PTPRN2: variants seen among roughly 807,000 people sequenced by gnomAD.
PTPRN2 encodes the protein protein tyrosine phosphatase receptor type N2.
A neutral mutation model predicts 118.8 loss-of-function variants in PTPRN2; 74 were observed. The ratio of observed to expected loss-of-function variants is 0.62; its 90% confidence interval spans 0.52 to 0.76. The LOEUF (loss-of-function observed/expected upper bound fraction) is 0.76. Among genes scored for constraint, PTPRN2 ranks in the 30% least tolerant of loss-of-function variants. The probability of loss-of-function intolerance (pLI) is 0.00; values close to 1 mark genes in which losing one functional copy is unlikely to be tolerated. For missense variants in PTPRN2, 1,481 were observed against 1,394.4 expected, an observed-to-expected ratio of 1.06 and a Z score of -0.99; for synonymous variants, 641 against 608.0, an observed-to-expected ratio of 1.05 and a Z score of -0.80.
At chr7:157,846,978 T>C (rs1242010832) in intron 12 of PTPRN2, among the ~76,000 whole-genome samples, 2 of 151,402 alleles carry the variant, frequency 1.3e-5, no homozygotes, top group Non-Finnish European at 2.9e-5. Context: ...GAGCCCTCTC[T>C]CACTCCTTCA....
chr7:158,530,860 C>T (rs1825172880), intron 1 of PTPRN2, among the ~76,000 whole-genome samples: 1 of 152,148 alleles, frequency 6.6e-6, no homozygotes, highest in African/African-American at 2.4e-5. Context: ...ATGCAGGTTC[C>T]AGGAAGGACG....
At chr7:158,047,264 C>T (rs1808948369) in intron 11 of PTPRN2, among the ~76,000 whole-genome samples, 1 of 152,248 alleles carries the variant, frequency 6.6e-6, no homozygotes, top group Admixed American at 6.5e-5. Flanking sequence ...GGCTGGAGCC[C>T]ATGGGCCATG....
chr7:158,365,198 G>A (rs577467220), intron 2 of PTPRN2, among the ~76,000 whole-genome samples: 2 of 152,280 alleles, frequency 1.3e-5, no homozygotes, highest in African/African-American at 4.8e-5. Context: ...CCGTCCTTGC[G>A]AGCGCCTCAC....
At chr7:158,368,432 T>C (rs1002147764) in intron 2 of PTPRN2, among the ~76,000 whole-genome samples, 25 of 152,256 alleles carry the variant, frequency 1.6e-4, no homozygotes, top group African/African-American at 6.0e-4. Flanking sequence ...CTGGCTGGGC[T>C]AGCACTGATC....
In PTPRN2 at chr7:157,915,555, C is replaced by A. The variant is rs1200415659; in HGVS notation, c.1724-16818G>T. 2.6e-5 allele frequency among the ~76,000 whole-genome samples: 4 copies of A among 151,762 alleles called. No homozygotes were observed. In the South Asian group the frequency reaches 8.4e-4, roughly 32 times the overall value. ...TGAGAAGACACTCTATCATCGGTCA[C>A]CATTACCCTGCAGTCATGGTTCTTG... On this transcript the variant is annotated intron_variant, in intron 11 of 22. Transcript: ENST00000389418.
intron 3 of PTPRN2, among the ~76,000 whole-genome samples, chr7:158,253,211 T>C (rs1055409438): frequency 3.3e-5 from 5 of 152,198 alleles, no homozygotes; most frequent in Non-Finnish European, 5.9e-5. Flanking sequence ...AGTCTCATTT[T>C]CCAGGCGACT....
At chr7:157,775,770 TCC>T (rs1803171342) in intron 12 of PTPRN2, among the ~76,000 whole-genome samples, 1 of 152,008 alleles carries the variant, frequency 6.6e-6, no homozygotes, top group Non-Finnish European at 1.5e-5. Flanking sequence ...GGTCATGGTG[TCC>T]CCCGCAGGCC....
At chr7:158,280,003 C>T (rs1275812056) in intron 3 of PTPRN2, among the ~76,000 whole-genome samples, 2 of 151,716 alleles carry the variant, frequency 1.3e-5, no homozygotes, top group African/African-American at 2.4e-5. Flanking sequence ...CACGCCCCAC[C>T]GCTGCCCCCG....
At chr7:157,839,868 C>T (rs1475102559) in intron 12 of PTPRN2, among the ~76,000 whole-genome samples, 8 of 138,788 alleles carry the variant, frequency 5.8e-5, no homozygotes, top group Non-Finnish European at 1.1e-4. Flanking sequence ...ACTGTGTGAC[C>T]GTGTGGAGTG....
intron 3 of PTPRN2, 115 bp from the exon 4 acceptor site, chr7:158,205,388 A>G: frequency 5.6e-6 from 4 of 715,392 alleles, no homozygotes; most frequent in African/African-American, 1.7e-5. Flanking sequence ...CCATCAGCAA[A>G]GTAAGCCTCC....
At chr7:158,250,130 A>G (rs1175562398) in intron 3 of PTPRN2, among the ~76,000 whole-genome samples, 2 of 152,168 alleles carry the variant, frequency 1.3e-5, no homozygotes, top group African/African-American at 2.4e-5. Context: ...AATGCTTCAC[A>G]TATTTATGGA....
chr7:157,931,655 C>G (rs546037214), intron 11 of PTPRN2, among the ~76,000 whole-genome samples: 2 of 145,638 alleles, frequency 1.4e-5, no homozygotes, highest in African/African-American at 4.9e-5. Flanking sequence ...TGCAGGTAAG[C>G]TCTGGCTCTT....
chr7:158,373,056 G>T (rs1456492506), intron 2 of PTPRN2, among the ~76,000 whole-genome samples: 1 of 152,224 alleles, frequency 6.6e-6, no homozygotes, highest in Non-Finnish European at 1.5e-5. Flanking sequence ...ACGGCCGAAG[G>T]TTCCACCCAG....
At chr7:158,461,983 T>C (rs1259733019) in intron 2 of PTPRN2, among the ~76,000 whole-genome samples, 1 of 152,296 alleles carries the variant, frequency 6.6e-6, no homozygotes, top group Admixed American at 6.5e-5. Context: ...AGCCGGCGCT[T>C]GGGTGAACGC....
intron 9 of PTPRN2, among the ~76,000 whole-genome samples, chr7:158,119,660 CA>C (rs1178269477): frequency 1.3e-5 from 2 of 151,970 alleles, no homozygotes; most frequent in Non-Finnish European, 2.9e-5. Context: ...ACTTCTATTA[CA>C]GTAAATTGTT....
chr7:157,890,999 A>ACCT (rs1796767591), intron 12 of PTPRN2, among the ~76,000 whole-genome samples: 1 of 149,374 alleles, frequency 6.7e-6, no homozygotes, highest in East Asian at 2.0e-4. Flanking sequence ...CCACCTCCCC[A>ACCT]CCTCCCCACC....
At chr7:158,141,520 T>G (rs985148741) in intron 6 of PTPRN2, among the ~76,000 whole-genome samples, 3 of 152,244 alleles carry the variant, frequency 2.0e-5, no homozygotes, top group Admixed American at 6.5e-5. Flanking sequence ...GCCGATGGCC[T>G]GTGGTGGGTT....
At chr7:157,693,081 C>A (rs1374249058) in intron 12 of PTPRN2, among the ~76,000 whole-genome samples, 1 of 143,510 alleles carries the variant, frequency 7.0e-6, no homozygotes, top group African/African-American at 2.5e-5. Flanking sequence ...CGCTGGGGGG[C>A]GGGGGGCCGG....
chr7:157,544,721 A>AGGAAGGGAAGAACCCAT (rs1410566903), intron 22 of PTPRN2, among the ~76,000 whole-genome samples: 2 of 152,242 alleles, frequency 1.3e-5, no homozygotes, highest in Non-Finnish European at 2.9e-5. Context: ...TGTGGAGGGA[A>AGGAAGGGAAGAACCCAT]GGAAGGGAAG....
Sources: allele counts gnomAD v4.1 joint callset (sites outside exome capture counted in the v4.1 genomes callset), GRCh38; gene constraint gnomAD v4.1.1; transcripts MANE v1.5; gene names NCBI Gene and HGNC (gene_info 2026-07-23, HGNC 2026-07-21).